The following GRM6 variants were observed in gnomAD, a reference collection of about 807,000 sequenced individuals.
GRM6 encodes metabotropic glutamate receptor 6.
In GRM6, 73 loss-of-function variants were observed where a neutral mutation model predicts 78.4. The ratio of observed to expected loss-of-function variants is 0.93; its 90% CI spans 0.77 to 1.13. The LOEUF is 1.13. GRM6 is among the 50% of genes most tolerant of loss of function. The probability of loss-of-function intolerance (pLI) is 0.00; values close to 1 mark genes in which losing one functional copy is unlikely to be tolerated. For synonymous variants in GRM6, 580 were observed against 555.0 expected (o/e 1.05, Z -0.63); for missense variants, 1,251 against 1,256.4 (o/e 1.00, Z 0.07).
chr5:178,982,447 A>G (rs968446212), intron 10 of GRM6, among the ~76,000 whole-genome samples: 3 of 151,942 alleles, frequency 2.0e-5, no homozygotes, highest in Non-Finnish European at 4.4e-5. Flanking sequence ...GCGTGGTGGC[A>G]GGCACCTGTA....
intron 9 of GRM6, chr5:178,983,601 A>T (rs1458844352): frequency 5.0e-6 from 2 of 402,054 alleles, no homozygotes; most frequent in Non-Finnish European, 1.0e-5. Context: ...AAGCTCTGGA[A>T]CTGAGGCCCT....
rs1760701371 is a variant in GRM6 at position 178,992,639 on chromosome 5, A to C, written c.505-556T>G. ...ATTAGAGTGATTAACAGCAGAGACCAGAGGCTGAACTGACCGGGGAGTGTG... is the reference window on the plus strand; with the variant it reads ...ATTAGAGTGATTAACAGCAGAGACCCGAGGCTGAACTGACCGGGGAGTGTG... On this transcript the variant is annotated intron_variant, in intron 2 of 10. Coordinates refer to ENST00000517717, the MANE Select transcript of GRM6 (RefSeq NM_000843.4). The surrounding 1 kb of genome is among the most constrained non-coding windows in gnomAD (Gnocchi z 4.9). Among the ~76,000 whole-genome samples, 1 of 152,148 alleles carries C rather than the reference A, an allele frequency of 6.6e-6. No homozygotes were observed. The highest frequency in any genetic ancestry group is 1.5e-5 in the Non-Finnish European group (1 of 68,024).
Position 178,994,886 on chromosome 5 carries a change from CA to C in GRM6, c.58del (p.Trp20GlyfsTer20). On this transcript the variant is annotated frameshift_variant, in exon 2 of 11. Coordinates refer to ENST00000517717, the MANE Select transcript of GRM6 (RefSeq NM_000843.4). LOFTEE classifies it high-confidence loss of function. ...GCGCGCCAGGCCCGCCTGCGCCAGC[CA>C]CGCCAGCGGCAGCAGCGCCACGAGC... ...PLLVALLPLA[W>X]LAQAGLARAA... 3 of 1,209,854 alleles carry C rather than the reference CA, an allele frequency of 2.5e-6. No individual in the cohort carries two copies. The highest frequency in any genetic ancestry group is 3.1e-6 in the Non-Finnish European group (3 of 971,686). The allele number at this position is 1,209,854 out of a possible 1,614,324, so 74.9% of individuals were successfully genotyped here.
In GRM6 at chr5:178,991,714, C is replaced by A. The variant is rs1760678514; in HGVS notation, c.721+153G>T. ...CAAGCCTGAGGCAGGGCTGAGTCGTCCAAAACAAAGAGGTCCCGCCCACAT... is the reference window on the plus strand; with the variant it reads ...CAAGCCTGAGGCAGGGCTGAGTCGTACAAAACAAAGAGGTCCCGCCCACAT... On this transcript the variant is annotated intron_variant, in intron 3 of 10. Coordinates refer to ENST00000517717, the MANE Select transcript of GRM6 (RefSeq NM_000843.4). This position sits in a 1 kb window ranked among gnomAD's most constrained non-coding sequence, Gnocchi z 5.0. 8.6e-7 allele frequency: 1 copy of A among 1,169,388 alleles called. No homozygotes were observed. Among genetic ancestry groups the A allele is most frequent in the Non-Finnish European group, 1.3e-6 (1 of 789,396 alleles). 72.4% of individuals were successfully genotyped at this position (1,169,388 alleles called of 1,614,324 possible). A position where few individuals can be genotyped will look rare whatever the true frequency, so the allele number is the denominator to read the frequency against.
chr5:178,990,427 C>T (rs937992359), intron 5 of GRM6, among the ~76,000 whole-genome samples, 165 bp downstream of exon 5: 10 of 152,258 alleles, frequency 6.6e-5, no homozygotes, highest in African/African-American at 2.4e-4. Context: ...CAGTCAAGCG[C>T]TGCTTGGAGG....
chr5:178,987,120 C>T (rs765884161), intron 7 of GRM6, 137 bp from the exon 8 acceptor site: 62 of 862,246 alleles, frequency 7.2e-5, no homozygotes, highest in Non-Finnish European at 1.1e-4. Context: ...AAATCCAAGC[C>T]GCAGGGAGAT....
In GRM6 at chr5:178,991,482, G is replaced by A. The variant is rs765345371; in HGVS notation, c.799C>T (p.Leu267Phe). 1.9e-6 allele frequency: 3 copies of A among 1,613,236 alleles called. No homozygotes were observed. The highest frequency in any genetic ancestry group is 1.7e-5 in the Admixed American group (1 of 60,000). Residue 267 changes from leucine (L) to phenylalanine (F), a missense_variant, in exon 4 of 11, where the codon CTC (leucine) becomes TTC (phenylalanine). Physicochemically the swap from Leu to Phe is conservative, Grantham distance 22. Transcript: ENST00000517717. This position sits in a 1 kb window ranked among gnomAD's most constrained non-coding sequence, Gnocchi z 5.0. ...PGEFSKVIRRLMETPNARGII... is the reference protein window; with the variant it reads ...PGEFSKVIRRFMETPNARGII... The stretch of plus-strand genomic sequence containing the variant: ...CCCCGGGCGTTGGGCGTCTCCATGA[G>A]TCTCCTGATCACCTTGCTGAACTCT...
chr5:178,981,169 GCC>G lies in GRM6; in HGVS notation c.*486_*487del. ...AGAGGAATCCTACCCAGGCCTGAGT[GCC>G]TCCATCCAGATGCACAGCCCCAGGT... On this transcript the variant is annotated 3_prime_UTR_variant, in exon 11 of 11. Coordinates refer to ENST00000517717, the MANE Select transcript of GRM6 (RefSeq NM_000843.4). The surrounding 1 kb of genome is among the most constrained non-coding windows in gnomAD (Gnocchi z 5.1). 1 of 174,484 alleles carries G rather than the reference GCC, an allele frequency of 5.7e-6. No homozygotes were observed. Among genetic ancestry groups the G allele is most frequent in the Admixed American group, 5.5e-5 (1 of 18,168 alleles). 10.8% of individuals were successfully genotyped at this position (174,484 alleles called of 1,614,324 possible).
rs1760630917 is a variant in GRM6, at chr5:178,989,342, T to C, written c.1076A>G (p.Glu359Gly). ...GCAGTTAAAATTCTCTTCCCAGAACTCGGCGAACCAGATGTTCCTGCGGTT... is the reference window on the plus strand; with the variant it reads ...GCAGTTAAAATTCTCTTCCCAGAACCCGGCGAACCAGATGTTCCTGCGGTT... ...ENNRRNIWFA[E>G]FWEENFNCKL... The change falls in exon 6 of 11, where the codon GAG (glutamate) becomes GGG (glycine). Residue 359 changes from glutamate (E) to glycine (G), a missense_variant. By Grantham distance (98) the Glu-to-Gly change is moderately conservative. Coordinates refer to ENST00000517717, the MANE Select transcript of GRM6 (RefSeq NM_000843.4). The C allele has an allele frequency of 6.2e-7, 1 of 1,613,770 alleles. No individual in the cohort carries two copies. The highest frequency in any genetic ancestry group is 8.5e-7 in the Non-Finnish European group (1 of 1,179,928).
chr5:178,986,083 G>A lies in GRM6; in HGVS notation c.2124+47C>T, dbSNP rs369340720. ...GGCCCTTTTGGCTTTGTAACGTTGC[G>A]GACAGTCCCCCTCCCTGCCCTGGCC... On this transcript the variant is annotated intron_variant, in intron 9 of 10. Coordinates refer to ENST00000517717, the MANE Select transcript of GRM6 (RefSeq NM_000843.4). The A allele has an allele frequency of 8.7e-4, 1,364 of 1,570,588 alleles. 1 individual carries two copies. Among genetic ancestry groups the A allele is most frequent in the Middle Eastern group, 1.2e-3 (6 of 4,904 alleles).
At chr5:178,990,979 A>G (rs533875358) in intron 4 of GRM6, among the ~76,000 whole-genome samples, 2 of 151,672 alleles carry the variant, frequency 1.3e-5, no homozygotes, top group Admixed American at 1.3e-4. Context: ...GTTCAGAGGG[A>G]CTCCTTGGGG....
Position 178,992,294 on chromosome 5 carries a change from G to A in GRM6, c.505-211C>T, listed in dbSNP as rs751245678. The stretch of plus-strand genomic sequence containing the variant: ...GGAAGCTGTGGTGTTTTGCGAGTGG[G>A]CCTGAGAATTCCGTGAATGCTGTGC... On this transcript the variant is annotated intron_variant, in intron 2 of 10. Transcript: ENST00000517717. The surrounding 1 kb of genome is among the most constrained non-coding windows in gnomAD (Gnocchi z 4.9). 2.5e-6 allele frequency: 1 copy of A among 394,610 alleles called. No individual in the cohort carries two copies. The highest frequency in any genetic ancestry group is 1.9e-5 in the South Asian group (1 of 53,772). 24.4% of individuals were successfully genotyped at this position (394,610 alleles called of 1,614,324 possible). A position where few individuals can be genotyped will look rare whatever the true frequency, so the allele number is the denominator to read the frequency against.
intron 9 of GRM6, chr5:178,985,889 G>A (rs1009566891): frequency 3.5e-6 from 2 of 568,690 alleles, no homozygotes; most frequent in Non-Finnish European, 3.2e-6. Flanking sequence ...AGCCTCCCAA[G>A]TAGCTAGGAC....
At chr5:178,990,533 C>G in intron 5 of GRM6, 59 bp downstream of exon 5, 1 of 1,397,328 alleles carries the variant, frequency 7.2e-7, no homozygotes, top group Non-Finnish European at 1.0e-6. Context: ...AATGAGCATC[C>G]CCAAGAGGGG....
At chr5:178,982,643 G>GT (rs1760419702) in intron 10 of GRM6, among the ~76,000 whole-genome samples, 1 of 135,640 alleles carries the variant, frequency 7.4e-6, no homozygotes, top group Non-Finnish European at 1.6e-5. Context: ...CAAGCTAACT[G>GT]TAACTGGGTG....
Position 178,992,946 on chromosome 5 carries a change from C to T in GRM6, c.505-863G>A, listed in dbSNP as rs1015570672. On this transcript the variant is annotated intron_variant, in intron 2 of 10. Coordinates refer to ENST00000517717, the MANE Select transcript of GRM6 (RefSeq NM_000843.4). This position sits in a 1 kb window ranked among gnomAD's most constrained non-coding sequence, Gnocchi z 4.9. ...GAGAGAGAGAAACAACTGAGGAGAC[C>T]GAGAGACGAGAAAGGCCCAGTGGCC... 6.6e-6 allele frequency among the ~76,000 whole-genome samples: 1 copy of T among 151,496 alleles called. No individual in the cohort carries two copies. Among genetic ancestry groups the T allele is most frequent in the East Asian group, 1.9e-4 (1 of 5,156 alleles).
rs372950166 is a variant in GRM6 at position 178,986,999 on chromosome 5, G to A, written c.1355-16C>T. 57 of 1,611,116 alleles carry A rather than the reference G, an allele frequency of 3.5e-5. 1 individual carries two copies. The highest frequency in any genetic ancestry group is 1.1e-4 in the South Asian group (10 of 90,626). ...CCTGCGCTGCCTGGAGAGAGAGTCC[G>A]TCATCCTCGGTGGTCCTCCAGCCCA... is the stretch of plus-strand genomic sequence containing the variant. On this transcript the variant is annotated splice_polypyrimidine_tract_variant and intron_variant, in intron 7 of 10. Coordinates refer to ENST00000517717, the MANE Select transcript of GRM6 (RefSeq NM_000843.4).
intron 9 of GRM6, chr5:178,985,519 C>G (rs370530613): frequency 8.9e-6 from 3 of 337,430 alleles, no homozygotes; most frequent in South Asian, 2.3e-5. Context: ...CTGGCTAACA[C>G]GGTGAAGCCC....
chr5:178,989,758 G>A (rs181699294), intron 5 of GRM6: 1 of 380,902 alleles, frequency 2.6e-6, no homozygotes, highest in East Asian at 6.4e-5. Context: ...ATGCTGCTGT[G>A]AAGATGTAAT....
Sources: gnomAD v4.1 joint callset for allele counts (sites outside exome capture counted in the v4.1 genomes callset) on GRCh38, gnomAD v4.1.1 for gene constraint, Gnocchi (gnomAD v3.1) non-coding constraint, MANE v1.5 for transcripts, NCBI Gene and HGNC (gene_info 2026-07-23, HGNC 2026-07-21) for gene names.